ADGB: variants seen among roughly 807,000 people sequenced by gnomAD.
ADGB encodes the protein androglobin.
ADGB carries 172 observed loss-of-function variants against 210.5 expected under a neutral mutation model. That is an observed-to-expected ratio of 0.82 (90% CI 0.72 to 0.93). The LOEUF is 0.93. Among genes scored for constraint, ADGB ranks in the 40% least tolerant of loss-of-function variants. The pLI, the probability that ADGB is intolerant of heterozygous loss-of-function variation, is 0.00. For synonymous variants in ADGB, 658 were observed against 662.7 expected, an observed-to-expected ratio of 0.99 and a Z score of 0.11; for missense variants, 2,025 against 1,964.8, an observed-to-expected ratio of 1.03 and a Z score of -0.58.
At chr6:146,810,671 G>T (rs368378595) in intron 35 of ADGB, among the ~76,000 whole-genome samples, 3 of 152,054 alleles carry the variant, frequency 2.0e-5, no homozygotes, top group African/African-American at 7.2e-5. Context: ...AACATGTAGG[G>T]CATTATGCTA....
chr6:146,628,759 A>C (rs1781017830), intron 1 of ADGB, among the ~76,000 whole-genome samples: 1 of 152,072 alleles, frequency 6.6e-6, no homozygotes, highest in African/African-American at 2.4e-5. Flanking sequence ...TTCCGTAAGA[A>C]GTTTCTCTGA....
At chr6:146,608,495 T>C (rs1244041422) in intron 1 of ADGB, among the ~76,000 whole-genome samples, 7 of 152,132 alleles carry the variant, frequency 4.6e-5, no homozygotes, top group Middle Eastern at 3.2e-3. Flanking sequence ...GTCTAACTTT[T>C]TGATGTGGGC....
chr6:146,658,586 T>C (rs1775815276), intron 5 of ADGB, among the ~76,000 whole-genome samples: 1 of 152,180 alleles, frequency 6.6e-6, no homozygotes, highest in Non-Finnish European at 1.5e-5. Flanking sequence ...CTTCCTGACA[T>C]CCCTCCTTGG....
At chr6:146,655,489 T>C (rs1010985005) in intron 4 of ADGB, among the ~76,000 whole-genome samples, 1 of 152,202 alleles carries the variant, frequency 6.6e-6, no homozygotes, top group Non-Finnish European at 1.5e-5. Flanking sequence ...CACTCCTCTA[T>C]GTTAATTAAA....
At chr6:146,789,001 A>T (rs1182320758) in intron 33 of ADGB, among the ~76,000 whole-genome samples, 2 of 152,202 alleles carry the variant, frequency 1.3e-5, no homozygotes, top group African/African-American at 4.8e-5. Context: ...AATTTTAAGA[A>T]TGTCATTTTT....
chr6:146,611,658 GA>G (rs1373457169), intron 1 of ADGB, among the ~76,000 whole-genome samples: 1 of 152,082 alleles, frequency 6.6e-6, no homozygotes, highest in Non-Finnish European at 1.5e-5. Context: ...CTTCAGTCCA[GA>G]ATCTGTGTCC....
rs752080514 is a variant in ADGB at position 146,726,129 on chromosome 6, A to G, written c.2284A>G (p.Ile762Val). ...FNAYSPVGHS[I>V]HICSMVSFVI... is the part of the protein sequence containing the mutation. ...CGCATACTCCCCAGTAGGACACTCC[A>G]TACACATCTGCAGCATGGTGTCATT... Residue 762 changes from isoleucine to valine, a missense_variant, in exon 19 of 36, where the codon ATA (isoleucine) becomes GTA (valine). By Grantham distance (29) the Ile-to-Val change is conservative (BLOSUM62 3). Coordinates refer to ENST00000397944, the MANE Select transcript of ADGB (RefSeq NM_024694.4). 6.3e-5 allele frequency: 98 copies of G among 1,549,860 alleles called. No individual in the cohort carries two copies. In the Admixed American group the frequency reaches 7.3e-4, roughly 11 times the overall value.
chr6:146,683,026 T>C (rs1461773695), intron 9 of ADGB, among the ~76,000 whole-genome samples: 1 of 151,982 alleles, frequency 6.6e-6, no homozygotes, highest in East Asian at 1.9e-4. Context: ...ATTAATGCCA[T>C]TATCATGGGA....
intron 13 of ADGB, among the ~76,000 whole-genome samples, chr6:146,708,552 C>T (rs557162858): frequency 6.6e-6 from 1 of 152,100 alleles, no homozygotes; most frequent in African/African-American, 2.4e-5. Flanking sequence ...TCTCTCCAGG[C>T]CTGTGAGGTT....
chr6:146,638,713 C>A (rs1333334751), intron 2 of ADGB: 1 of 151,272 alleles, frequency 6.6e-6, no homozygotes. Context: ...ATGTAACTAA[C>A]CTGCACATTG....
At chr6:146,613,504 C>T (rs966124239) in intron 1 of ADGB, among the ~76,000 whole-genome samples, 1 of 152,160 alleles carries the variant, frequency 6.6e-6, no homozygotes, top group African/African-American at 2.4e-5. Context: ...TTACACTGAA[C>T]AGCATGCCTT....
intron 7 of ADGB, among the ~76,000 whole-genome samples, chr6:146,668,457 G>A (rs1775965883): frequency 6.6e-6 from 1 of 152,100 alleles, no homozygotes; most frequent in Admixed American, 6.6e-5. Flanking sequence ...GAGGGTAGGA[G>A]CTGATCTTGT....
In ADGB at chr6:146,808,652, A is replaced by G. The variant is rs149813489; in HGVS notation, c.4819-6380A>G. Among the ~76,000 whole-genome samples, 756 of 152,298 alleles carry G rather than the reference A, an allele frequency of 5.0e-3. 7 individuals are homozygous for G. The highest frequency in any genetic ancestry group is 0.019 in the South Asian group (93 of 4,822). On this transcript the variant is annotated intron_variant, in intron 35 of 35. Transcript: ENST00000397944. ...CCAGTGAAAGCGGTTTCACTTTGGC[A>G]GGTGATTTTACTTATCCTTTCTACT...
chr6:146,794,830 G>A (rs1778016519), intron 33 of ADGB, among the ~76,000 whole-genome samples: 3 of 152,156 alleles, frequency 2.0e-5, no homozygotes, highest in Admixed American at 2.0e-4. Flanking sequence ...AGACTACAGA[G>A]GGTCCATCTT....
At chr6:146,731,628 G>A (rs1776988832) in intron 20 of ADGB, among the ~76,000 whole-genome samples, 1 of 152,058 alleles carries the variant, frequency 6.6e-6, no homozygotes, top group African/African-American at 2.4e-5. Flanking sequence ...AATTCTCCCT[G>A]CTCCCTCAAT....
At chr6:146,627,970 A>G (rs1781002526) in intron 1 of ADGB, among the ~76,000 whole-genome samples, 1 of 152,148 alleles carries the variant, frequency 6.6e-6, no homozygotes. Flanking sequence ...CCATGTCTTT[A>G]AAATCAATTT....
chr6:146,724,232 T>G lies in ADGB; in HGVS notation c.2142T>G (p.Ala714=). 1 of 1,551,184 alleles carries G rather than the reference T, an allele frequency of 6.4e-7. No homozygotes were observed. Among genetic ancestry groups the G allele is most frequent in the East Asian group, 2.4e-5 (1 of 40,860 alleles). Residue 714 remains alanine (A), a synonymous_variant, in exon 18 of 36, where the codon GCT becomes GCG. Coordinates refer to ENST00000397944, the MANE Select transcript of ADGB (RefSeq NM_024694.4). The part of the protein sequence containing the change: ...SPPIEPGLLT[A]ETFSWKSLKP... The stretch of plus-strand genomic sequence containing the variant: ...CCATAGAGCCTGGACTTCTCACAGC[T>G]GAAACGTTTTCTTGGAAATCCCTGA...
chr6:146,628,714 T>G lies in ADGB; in HGVS notation c.75-6661T>G, dbSNP rs867824475. On this transcript the variant is annotated intron_variant, in intron 1 of 35. Transcript: ENST00000397944. ...TTCTTCCTTTTTTAACTTGGAAAAT[T>G]TGTAGTTATCCTTCGAGGCATGTCA... is the stretch of plus-strand genomic sequence containing the variant. Among the ~76,000 whole-genome samples the G allele has an allele frequency of 3.9e-5, 6 of 151,954 alleles. No homozygotes were observed. In the South Asian group the frequency reaches 8.3e-4, roughly 21 times the overall value.
At chr6:146,665,784 T>C (rs1158627794) in intron 6 of ADGB, among the ~76,000 whole-genome samples, 1 of 152,100 alleles carries the variant, frequency 6.6e-6, no homozygotes, top group African/African-American at 2.4e-5. Flanking sequence ...TTCCATAATT[T>C]TTTTCAGATT....
Sources: gnomAD v4.1 joint callset for allele counts (sites outside exome capture counted in the v4.1 genomes callset) on GRCh38, gnomAD v4.1.1 for gene constraint, MANE v1.5 for transcripts, NCBI Gene and HGNC (gene_info 2026-07-23, HGNC 2026-07-21) for gene names.